KDM4C: variants seen among roughly 807,000 people sequenced by gnomAD.
KDM4C encodes the protein lysine demethylase 4C.
In KDM4C, 81 loss-of-function variants were observed where a neutral mutation model predicts 129.3. The ratio of observed to expected loss-of-function variants is 0.63; its 90% confidence interval spans 0.52 to 0.75. The LOEUF is 0.75. Ranked by LOEUF, KDM4C falls within the 30% of genes least tolerant of loss-of-function variation. The pLI is 0.00. For missense variants in KDM4C, 1,457 were observed against 1,304.0 expected (o/e 1.12, Z -1.81); for synonymous variants, 573 against 456.1 (o/e 1.26, Z -3.26).
chr9:6,870,679 C>G (rs908210551), intron 5 of KDM4C, among the ~76,000 whole-genome samples: 2 of 151,782 alleles, frequency 1.3e-5, no homozygotes, highest in East Asian at 3.9e-4. Flanking sequence ...GGAATGGGGC[C>G]GGGGGATCAT....
intron 15 of KDM4C, among the ~76,000 whole-genome samples, chr9:7,042,982 C>A (rs969025775): frequency 6.6e-6 from 1 of 152,008 alleles, no homozygotes; most frequent in African/African-American, 2.4e-5. Flanking sequence ...ATTACAACTA[C>A]TCTATAGTTG....
chr9:6,932,086 A>G (rs1023701875), intron 8 of KDM4C, among the ~76,000 whole-genome samples: 2 of 152,154 alleles, frequency 1.3e-5, no homozygotes, highest in Non-Finnish European at 2.9e-5. Context: ...TACAAATGCT[A>G]TGAGAGGCCT....
chr9:7,128,635 A>G (rs79793189), intron 19 of KDM4C, among the ~76,000 whole-genome samples: 1 of 152,214 alleles, frequency 6.6e-6, no homozygotes, highest in Non-Finnish European at 1.5e-5. Context: ...GCTTAACTAG[A>G]GAATGTGGCT....
At position 7,175,572 on chromosome 9, in the gene KDM4C, A is replaced by G. The variant is rs1845362829; in HGVS notation, c.*843A>G. 2.0e-5 allele frequency: 3 copies of G among 152,642 alleles called. No homozygotes were observed. The highest frequency in any genetic ancestry group is 6.5e-5 in the Admixed American group (1 of 15,286). The allele number at this position is 152,642 out of a possible 1,614,324, so 9.5% of individuals were successfully genotyped here. A position where few individuals can be genotyped will look rare whatever the true frequency, so the allele number is the denominator to read the frequency against. Reference sequence around the variant, plus strand: ...TGCTTTGATGCATAGTTTTGAACTAATGTAACATGATTTTTCTTTTTTAAA... The same window carrying G: ...TGCTTTGATGCATAGTTTTGAACTAGTGTAACATGATTTTTCTTTTTTAAA... On this transcript the variant is annotated 3_prime_UTR_variant, in exon 22 of 22. Coordinates refer to ENST00000381309, the MANE Select transcript of KDM4C (RefSeq NM_015061.6).
rs539183461 is a variant in KDM4C at position 7,039,850 on chromosome 9, A to G, written c.2260-7012A>G. The stretch of plus-strand genomic sequence containing the variant: ...AGCTGACTCAGGGGTGGCAGAGTCT[A>G]TATATAAATGGCCCCATGCAGTTCA... On this transcript the variant is annotated intron_variant, in intron 15 of 21. Transcript: ENST00000381309. Among the ~76,000 whole-genome samples the G allele has an allele frequency of 3.0e-3, 460 of 152,162 alleles. 2 individuals carry two copies. Among genetic ancestry groups the G allele is most frequent in the African/African-American group, 0.01 (420 of 41,544 alleles).
chr9:6,796,801 C>T (rs530129020), intron 2 of KDM4C, among the ~76,000 whole-genome samples: 31 of 152,082 alleles, frequency 2.0e-4, no homozygotes, highest in Non-Finnish European at 2.9e-4. Context: ...CCATCTTTGA[C>T]GTCAAGTCAC....
intron 8 of KDM4C, among the ~76,000 whole-genome samples, chr9:6,939,992 T>A (rs148387820): frequency 0.034 from 3,127 of 92,366 alleles, 48 homozygotes; most frequent in South Asian, 0.072. Context: ...CTTCCTTCCT[T>A]CCTTCCTTCC....
intron 4 of KDM4C, among the ~76,000 whole-genome samples, chr9:6,817,318 C>G (rs1832298624): frequency 6.6e-6 from 1 of 151,476 alleles, no homozygotes. Context: ...CTTCCTGCCT[C>G]CACCTCCTAT....
At chr9:6,956,526 T>G (rs116289017) in intron 8 of KDM4C, among the ~76,000 whole-genome samples, 369 of 152,362 alleles carry the variant, frequency 2.4e-3, no homozygotes, top group African/African-American at 8.5e-3. Flanking sequence ...TAAGTTGGGT[T>G]GGCACACTAT....
chr9:6,809,797 G>A (rs1192690510), intron 3 of KDM4C, among the ~76,000 whole-genome samples: 1 of 152,032 alleles, frequency 6.6e-6, no homozygotes, highest in Non-Finnish European at 1.5e-5. Context: ...CCAGGAGTTC[G>A]AGACCAGCTG....
chr9:6,996,783 A>G (rs909860258), intron 12 of KDM4C, among the ~76,000 whole-genome samples: 1 of 152,308 alleles, frequency 6.6e-6, no homozygotes, highest in Non-Finnish European at 1.5e-5. Context: ...AAATTGCAAG[A>G]CTGTTATTAG....
chr9:7,113,283 T>C (rs1838535909), intron 18 of KDM4C, among the ~76,000 whole-genome samples: 1 of 152,212 alleles, frequency 6.6e-6, no homozygotes, highest in Non-Finnish European at 1.5e-5. Context: ...TCCCAGATGA[T>C]AGAAAGTGAA....
At chr9:6,849,272 A>G (rs1838399072) in intron 4 of KDM4C, among the ~76,000 whole-genome samples, 1 of 152,240 alleles carries the variant, frequency 6.6e-6, no homozygotes. Context: ...GCTATTTGGT[A>G]TAAATTTCTA....
chr9:7,117,626 T>TACATACACAC (rs1839045418), intron 18 of KDM4C, among the ~76,000 whole-genome samples: 1 of 146,916 alleles, frequency 6.8e-6, no homozygotes, highest in African/African-American at 2.5e-5. Flanking sequence ...TGTTAATTTC[T>TACATACACAC]ACACACACAC....
intron 19 of KDM4C, among the ~76,000 whole-genome samples, chr9:7,148,245 C>T (rs1587870479): frequency 6.6e-6 from 1 of 152,262 alleles, no homozygotes; most frequent in South Asian, 2.1e-4. Context: ...CAGTGTGTTA[C>T]AGCCCTGGCT....
At chr9:6,754,153 G>C (rs1818165962), upstream of KDM4C, among the ~76,000 whole-genome samples, 2 of 151,834 alleles carry the variant, frequency 1.3e-5, no homozygotes, top group South Asian at 2.1e-4. Flanking sequence ...TGGGATTATA[G>C]GCGTGAGCTA....
At chr9:7,026,568 T>C (rs942616802) in intron 15 of KDM4C, among the ~76,000 whole-genome samples, 2 of 152,130 alleles carry the variant, frequency 1.3e-5, no homozygotes, top group African/African-American at 4.8e-5. Flanking sequence ...GGGATAGTCT[T>C]CTTTGGGTTA....
chr9:7,098,248 T>A (rs1299594079), intron 17 of KDM4C, among the ~76,000 whole-genome samples: 8 of 152,144 alleles, frequency 5.3e-5, no homozygotes, highest in Non-Finnish European at 8.8e-5. Context: ...CTCTGTCCAT[T>A]TTTTTTAGCT....
chr9:6,805,831 A>G, intron 3 of KDM4C, 57 bp downstream of exon 3: 1 of 1,495,992 alleles, frequency 6.7e-7, no homozygotes, highest in Non-Finnish European at 9.1e-7. Flanking sequence ...TAAATATGTT[A>G]AGAAACAAAG....
Sources: gnomAD v4.1 joint callset for allele counts (sites outside exome capture counted in the v4.1 genomes callset) on GRCh38, gnomAD v4.1.1 for gene constraint, MANE v1.5 for transcripts, NCBI Gene and HGNC (gene_info 2026-07-23, HGNC 2026-07-21) for gene names.